LRP2BP: variants seen among roughly 807,000 people sequenced by gnomAD.
LRP2BP encodes the protein LRP2-binding protein.
Under a neutral mutation model 45.2 loss-of-function variants are expected in LRP2BP, and 38 were observed. That is an observed-to-expected ratio of 0.84 (90% CI 0.65 to 1.10). The LOEUF is 1.10. Among genes scored for constraint, LRP2BP ranks in the 50% least tolerant of loss-of-function variants. The pLI is 0.00. For synonymous variants in LRP2BP, 153 were observed against 153.9 expected (o/e 0.99, Z 0.04); for missense variants, 385 against 418.9 (o/e 0.92, Z 0.71).
intron 8 of LRP2BP, among the ~76,000 whole-genome samples, chr4:185,369,009 G>T (rs751429395): frequency 6.6e-6 from 1 of 151,868 alleles, no homozygotes; most frequent in African/African-American, 2.4e-5. Context: ...GGACAGGTTG[G>T]TCTCACACTC....
chr4:185,379,416 A>T (rs1386365763), intron 1 of LRP2BP, among the ~76,000 whole-genome samples: 1 of 152,248 alleles, frequency 6.6e-6, no homozygotes, highest in East Asian at 1.9e-4. Context: ...CTACTTATCC[A>T]AAAAGGCTAA....
Position 185,365,576 on chromosome 4 carries a change from A to C in LRP2BP, c.*1604T>G, listed in dbSNP as rs2095384291. Reference sequence around the variant, plus strand: ...TCACCACGTTGGCCAGCCTGGTCTCAAACTCCTGACCTCATGATCTGCCCG... The same window carrying C: ...TCACCACGTTGGCCAGCCTGGTCTCCAACTCCTGACCTCATGATCTGCCCG... On this transcript the variant is annotated 3_prime_UTR_variant, in exon 9 of 9. Coordinates refer to ENST00000505916, the MANE Select transcript of LRP2BP (RefSeq NM_001377440.1). 1 of 151,538 alleles carries C rather than the reference A, an allele frequency of 6.6e-6. No homozygotes were observed. The highest frequency in any genetic ancestry group is 2.1e-4 in the South Asian group (1 of 4,808). 9.4% of individuals were successfully genotyped at this position (151,538 alleles called of 1,614,324 possible).
In LRP2BP at chr4:185,364,165, C is replaced by G. The variant is rs774903753; in HGVS notation, c.*3015G>C. 1 of 152,060 alleles carries G rather than the reference C, an allele frequency of 6.6e-6. No individual in the cohort carries two copies. The highest frequency in any genetic ancestry group is 1.5e-5 in the Non-Finnish European group (1 of 68,016). 9.4% of individuals were successfully genotyped at this position (152,060 alleles called of 1,614,324 possible). ...TATGATTTTTAGTGAGCAGAAAGAG[C>G]CAAATTAGTGCTTGAAGTGAGGCAT... On this transcript the variant is annotated 3_prime_UTR_variant, in exon 9 of 9. Coordinates refer to ENST00000505916, the MANE Select transcript of LRP2BP (RefSeq NM_001377440.1).
In LRP2BP at chr4:185,395,508, T is replaced by C; in HGVS notation, c.-751A>G. Reference sequence around the variant, plus strand: ...TCACCTCACAAATCTGACAACAGTATCTCTACACTGCCGTTCTTTAAACAT... The same window carrying C: ...TCACCTCACAAATCTGACAACAGTACCTCTACACTGCCGTTCTTTAAACAT... On this transcript the variant is annotated 5_prime_UTR_variant, in exon 1 of 9. Transcript: ENST00000505916. The C allele has an allele frequency of 1.0e-6, 1 of 985,254 alleles. No individual in the cohort carries two copies. 61.0% of individuals were successfully genotyped at this position (985,254 alleles called of 1,614,324 possible). A position where few individuals can be genotyped will look rare whatever the true frequency, so the allele number is the denominator to read the frequency against.
At chr4:185,369,671 T>TA (rs1393517705) in intron 8 of LRP2BP, 20 of 400,252 alleles carry the variant, frequency 5.0e-5, no homozygotes, top group Non-Finnish European at 8.8e-5. Flanking sequence ...TATGTTTTAA[T>TA]ATGGCTTTGA....
intron 4 of LRP2BP, among the ~76,000 whole-genome samples, chr4:185,374,793 C>T (rs544822247): frequency 6.6e-6 from 1 of 152,266 alleles, no homozygotes; most frequent in South Asian, 2.1e-4. Flanking sequence ...TATCCTGAAT[C>T]AGCACAGTTC....
intron 8 of LRP2BP, among the ~76,000 whole-genome samples, chr4:185,367,618 T>A (rs2095394178): frequency 6.6e-6 from 1 of 152,204 alleles, no homozygotes. Flanking sequence ...AAATTTTATT[T>A]TAAAATATAC....
chr4:185,378,366 C>T, intron 1 of LRP2BP, 159 bp from the exon 2 acceptor site: 1 of 1,417,408 alleles, frequency 7.1e-7, no homozygotes, highest in East Asian at 2.6e-5. Flanking sequence ...ACATTCTTTA[C>T]TAGGACACCA....
At chr4:185,394,248 G>A (rs948456452) in intron 1 of LRP2BP, among the ~76,000 whole-genome samples, 1 of 135,182 alleles carries the variant, frequency 7.4e-6, no homozygotes, top group Non-Finnish European at 1.5e-5. Flanking sequence ...AAGACAGCGA[G>A]ATTGTGTTTC....
intron 1 of LRP2BP, among the ~76,000 whole-genome samples, chr4:185,389,492 G>A (rs958757911): frequency 6.6e-6 from 1 of 152,246 alleles, no homozygotes; most frequent in East Asian, 1.9e-4. Flanking sequence ...TTACAGGCGT[G>A]AGCCACCGTG....
At chr4:185,371,046 A>G (rs956022780) in intron 7 of LRP2BP, 1 of 433,530 alleles carries the variant, frequency 2.3e-6, no homozygotes. Flanking sequence ...AGCAGGCTCA[A>G]TAACCACTGG....
At chr4:185,385,549 C>A (rs2095468641) in intron 1 of LRP2BP, among the ~76,000 whole-genome samples, 1 of 152,112 alleles carries the variant, frequency 6.6e-6, no homozygotes. Flanking sequence ...CATTTGCAGC[C>A]CCATTAACGT....
chr4:185,396,853 C>A, upstream of LRP2BP: 1 of 1,527,622 alleles, frequency 6.5e-7, no homozygotes, highest in Non-Finnish European at 9.0e-7. Context: ...GCATTCTTAC[C>A]TGTCGGGGTG....
rs2095386211 is a variant in LRP2BP, at chr4:185,365,797, T to C, written c.*1383A>G. On this transcript the variant is annotated 3_prime_UTR_variant, in exon 9 of 9. Coordinates refer to ENST00000505916, the MANE Select transcript of LRP2BP (RefSeq NM_001377440.1). The stretch of plus-strand genomic sequence containing the variant: ...TTCAAGTGGTTGAAGGAATGTTACA[T>C]GGGTGGTATTAAGAGATTTGAGACA... 1 of 152,040 alleles carries C rather than the reference T, an allele frequency of 6.6e-6. No homozygotes were observed. Among genetic ancestry groups the C allele is most frequent in the Non-Finnish European group, 1.5e-5 (1 of 68,008 alleles). The allele number at this position is 152,040 out of a possible 1,614,324, so 9.4% of individuals were successfully genotyped here.
chr4:185,379,727 G>C (rs1688830077), intron 1 of LRP2BP, among the ~76,000 whole-genome samples: 1 of 152,192 alleles, frequency 6.6e-6, no homozygotes, highest in South Asian at 2.1e-4. Context: ...AGGGACAGTG[G>C]GGAAGTTAAG....
At chr4:185,391,823 G>C (rs986928282) in intron 1 of LRP2BP, among the ~76,000 whole-genome samples, 1 of 152,286 alleles carries the variant, frequency 6.6e-6, no homozygotes, top group African/African-American at 2.4e-5. Flanking sequence ...TGGGTACTGG[G>C]TGTGTTCATT....
At chr4:185,375,507 T>TTTA (rs2095433369) in intron 4 of LRP2BP, 106 bp downstream of exon 4, 1 of 74,964 alleles carries the variant, frequency 1.3e-5, no homozygotes, top group African/African-American at 7.0e-5. Context: ...TATATATATA[T>TTTA]ATATATATGT....
upstream of LRP2BP, chr4:185,397,031 C>G: frequency 1.2e-6 from 2 of 1,609,312 alleles, no homozygotes; most frequent in Non-Finnish European, 1.7e-6. Context: ...AATGCGGGGA[C>G]GGACCACTGG....
intron 4 of LRP2BP, among the ~76,000 whole-genome samples, chr4:185,375,354 G>A (rs2095429581): frequency 6.9e-6 from 1 of 145,238 alleles, no homozygotes; most frequent in Non-Finnish European, 1.5e-5. Flanking sequence ...TACTGTGAAG[G>A]CTGAGGCAGA....
Sources: allele counts gnomAD v4.1 joint callset (sites outside exome capture counted in the v4.1 genomes callset), GRCh38; gene constraint gnomAD v4.1.1; transcripts MANE v1.5; gene names NCBI Gene and HGNC (gene_info 2026-07-23, HGNC 2026-07-21).